SNRPG: variants seen among roughly 807,000 people sequenced by gnomAD.
SNRPG encodes the protein small nuclear ribonucleoprotein G.
A neutral mutation model predicts 13.9 loss-of-function variants in SNRPG; 3 were observed. The ratio of observed to expected loss-of-function variants is 0.22; its 90% CI spans 0.10 to 0.56. The LOEUF (loss-of-function observed/expected upper bound fraction) is 0.56. Among genes scored for constraint, SNRPG ranks in the 20% least tolerant of loss-of-function variants. The pLI is 0.93. For missense variants in SNRPG, 34 were observed against 96.1 expected (o/e 0.35, Z 2.70); for synonymous variants, 29 against 29.3 (o/e 0.99, Z 0.03).
chr2:70,288,085 T>A lies in SNRPG; in HGVS notation c.163A>T (p.Asn55Tyr). The A allele has an allele frequency of 4.3e-6, 7 of 1,611,844 alleles. No homozygotes were observed. Among genetic ancestry groups the A allele is most frequent in the Non-Finnish European group, 5.9e-6 (7 of 1,179,376 alleles). The part of the protein sequence containing the change: ...CVEMATSGQQ[N>Y]NIGMVVIRGN... ...TTACTTACCACCATTCCAATATTGT[T>A]CTGTTGTCCACTAGTCGCCATCTCC... Residue 55 changes from asparagine (N) to tyrosine (Y), a missense_variant, in exon 3 of 4, where the codon AAC becomes TAC. By Grantham distance (143) the Asn-to-Tyr change is moderately radical (BLOSUM62 -2). Coordinates refer to ENST00000272348, the MANE Select transcript of SNRPG (RefSeq NM_003096.4).
chr2:70,290,823 TAAAAAAAAAAAAAAAA>T (rs57720967), intron 1 of SNRPG, among the ~76,000 whole-genome samples: 10 of 25,284 alleles, frequency 4.0e-4, no homozygotes, highest in Admixed American at 3.0e-3. Flanking sequence ...CCGTCTCTAC[TAAAAAAAAAAAAAAAA>T]AAAAAAAAAA....
chr2:70,283,134 A>AAC (rs1696855563), intron 3 of SNRPG, among the ~76,000 whole-genome samples: 2 of 149,668 alleles, frequency 1.3e-5, no homozygotes, highest in Admixed American at 6.7e-5. Context: ...ACAACAAACC[A>AAC]AAACCAAAAC....
intron 3 of SNRPG, among the ~76,000 whole-genome samples, chr2:70,283,122 A>AAAAAAAAAC (rs1241967786): frequency 0.029 from 2,375 of 82,722 alleles, 503 homozygotes; most frequent in Non-Finnish European, 0.042. Context: ...AAAAAAAAAA[A>AAAAAAAAAC]AACAACAAAC....
At chr2:70,293,080 T>G in intron 1 of SNRPG, 1 of 701,542 alleles carries the variant, frequency 1.4e-6, no homozygotes, top group Non-Finnish European at 2.6e-6. Context: ...AGATAACACA[T>G]GACATTCAAG....
chr2:70,285,030 T>C (rs1696904751), intron 3 of SNRPG, among the ~76,000 whole-genome samples: 1 of 152,206 alleles, frequency 6.6e-6, no homozygotes, highest in South Asian at 2.1e-4. Context: ...CTCAGTTTTA[T>C]GATTGACTGT....
intron 3 of SNRPG, among the ~76,000 whole-genome samples, chr2:70,285,120 G>A (rs1000167915): frequency 6.6e-6 from 1 of 152,170 alleles, no homozygotes; most frequent in Non-Finnish European, 1.5e-5. Flanking sequence ...GAGCAGTGAT[G>A]CTGGCAATAT....
At chr2:70,284,678 C>A (rs1228580994) in intron 3 of SNRPG, among the ~76,000 whole-genome samples, 1 of 152,186 alleles carries the variant, frequency 6.6e-6, no homozygotes, top group Admixed American at 6.5e-5. Context: ...GCCACTGTAC[C>A]TGGCCAGTTA....
intron 3 of SNRPG, among the ~76,000 whole-genome samples, chr2:70,283,125 C>CAA (rs1176330727): frequency 5.6e-5 from 3 of 53,234 alleles, no homozygotes; most frequent in African/African-American, 1.9e-4. Flanking sequence ...AAAAAAAAAA[C>CAA]AACAAACCAA....
At chr2:70,292,694 G>A (rs1697130985) in intron 1 of SNRPG, 1 of 159,852 alleles carries the variant, frequency 6.3e-6, no homozygotes, top group African/African-American at 2.4e-5. Context: ...GACTTCCATG[G>A]GCCTGGTAAT....
At position 70,288,120 on chromosome 2, in the gene SNRPG, T is replaced by G. The variant is rs1382105736; in HGVS notation, c.128A>C (p.Asp43Ala). 1.9e-6 allele frequency: 3 copies of G among 1,610,932 alleles called. No homozygotes were observed. The change falls in exon 3 of 4, where the codon GAT (aspartate) becomes GCT (alanine). Residue 43 changes from aspartate (D) to alanine (A), a missense_variant. Transcript: ENST00000272348. ...GFDPFMNLVI[D>A]ECVEMATSGQ... Reference sequence around the variant, plus strand: ...ACTAGTCGCCATCTCCACACATTCATCTATCACAAGGTTCATAAAGGGATC... The same window carrying G: ...ACTAGTCGCCATCTCCACACATTCAGCTATCACAAGGTTCATAAAGGGATC...
At chr2:70,287,327 C>CT (rs1247304629) in intron 3 of SNRPG, 2 of 702,396 alleles carry the variant, frequency 2.8e-6, no homozygotes, top group Non-Finnish European at 5.2e-6. Context: ...TTTGGTTCAC[C>CT]TTTTTCAAGA....
chr2:70,289,796 G>A (rs1261911680), intron 1 of SNRPG, among the ~76,000 whole-genome samples: 2 of 152,082 alleles, frequency 1.3e-5, no homozygotes, highest in Non-Finnish European at 2.9e-5. Flanking sequence ...GGGCAATAGA[G>A]CGAAACTGTC....
chr2:70,289,075 C>T (rs1022430252), intron 2 of SNRPG, among the ~76,000 whole-genome samples: 1 of 152,032 alleles, frequency 6.6e-6, no homozygotes, highest in African/African-American at 2.4e-5. Context: ...CTCAGCCTCC[C>T]GAGTAACTGG....
intron 1 of SNRPG, among the ~76,000 whole-genome samples, chr2:70,290,654 C>A (rs1697060423): frequency 6.6e-6 from 1 of 151,304 alleles, no homozygotes; most frequent in Non-Finnish European, 1.5e-5. Flanking sequence ...AAACAAGGAG[C>A]ATGACTGAAG....
intron 3 of SNRPG, among the ~76,000 whole-genome samples, chr2:70,283,122 A>AACAAAAC (rs1553474954): frequency 4.8e-5 from 4 of 82,962 alleles, no homozygotes; most frequent in African/African-American, 1.6e-4. Flanking sequence ...AAAAAAAAAA[A>AACAAAAC]AACAACAAAC....
At chr2:70,293,363 G>A in intron 1 of SNRPG, 1 of 631,786 alleles carries the variant, frequency 1.6e-6, no homozygotes, top group Non-Finnish European at 2.8e-6. Context: ...GTGACCAGGG[G>A]CCAGACCGCG....
At chr2:70,285,976 C>T (rs1409805337) in intron 3 of SNRPG, among the ~76,000 whole-genome samples, 1 of 152,178 alleles carries the variant, frequency 6.6e-6, no homozygotes. Flanking sequence ...GACAGGATCT[C>T]GCTTTGTCAC....
At chr2:70,282,748 A>G (rs1696825731) in intron 3 of SNRPG, among the ~76,000 whole-genome samples, 1 of 152,188 alleles carries the variant, frequency 6.6e-6, no homozygotes, top group Admixed American at 6.5e-5. Context: ...GTTATAAAAA[A>G]AAGGCCCTAG....
intron 1 of SNRPG, among the ~76,000 whole-genome samples, chr2:70,290,146 C>G (rs1404094298): frequency 6.6e-6 from 1 of 151,666 alleles, no homozygotes; most frequent in African/African-American, 2.4e-5. Context: ...CACATCTGGT[C>G]TCATTGACCT....
Sources: allele counts gnomAD v4.1 joint callset (sites outside exome capture counted in the v4.1 genomes callset), GRCh38; gene constraint gnomAD v4.1.1; transcripts MANE v1.5; gene names NCBI Gene and HGNC (gene_info 2026-07-23, HGNC 2026-07-21).